ADGRG6: variants seen among roughly 807,000 people sequenced by gnomAD.
ADGRG6 encodes adhesion G protein-coupled receptor G6.
ADGRG6 carries 84 observed loss-of-function variants against 142.4 expected under a neutral mutation model. That is an observed-to-expected ratio of 0.59 (90% CI 0.49 to 0.71). The LOEUF is 0.71. ADGRG6 is among the 30% of genes least tolerant of loss of function. ADGRG6 has a pLI of 0.00. For missense variants in ADGRG6, 1,367 were observed against 1,466.6 expected, an observed-to-expected ratio of 0.93 and a Z score of 1.11; for synonymous variants, 521 against 520.5, an observed-to-expected ratio of 1.00 and a Z score of -0.01.
chr6:142,380,278 T>C (rs1781708257), intron 4 of ADGRG6, among the ~76,000 whole-genome samples: 1 of 152,126 alleles, frequency 6.6e-6, no homozygotes, highest in Non-Finnish European at 1.5e-5. Flanking sequence ...TCCAACCCTC[T>C]CTTCCATCAT....
intron 2 of ADGRG6, among the ~76,000 whole-genome samples, chr6:142,356,431 A>G (rs1283003408): frequency 1.3e-5 from 2 of 152,094 alleles, no homozygotes; most frequent in East Asian, 1.9e-4. Context: ...CTTGCATGCA[A>G]CCTGTATTGG....
At chr6:142,318,831 A>C (rs547273667) in intron 2 of ADGRG6, among the ~76,000 whole-genome samples, 16 of 151,988 alleles carry the variant, frequency 1.1e-4, no homozygotes, top group Admixed American at 2.0e-4. Flanking sequence ...GAAGGTAGGG[A>C]ATGAGGCTAG....
intron 5 of ADGRG6, among the ~76,000 whole-genome samples, chr6:142,382,526 T>C (rs1781819718): frequency 6.6e-6 from 1 of 152,222 alleles, no homozygotes; most frequent in Non-Finnish European, 1.5e-5. Context: ...ACTGTGTTAA[T>C]TATTACGATG....
At chr6:142,440,808 G>T in intron 24 of ADGRG6, 1 of 646,130 alleles carries the variant, frequency 1.5e-6, no homozygotes, top group East Asian at 3.1e-5. Flanking sequence ...AGCATCCTGG[G>T]ATCACTCAAG....
intron 2 of ADGRG6, among the ~76,000 whole-genome samples, chr6:142,317,820 TA>T (rs1404291946): frequency 2.5e-4 from 21 of 83,930 alleles, no homozygotes; most frequent in African/African-American, 8.9e-4. Flanking sequence ...TTATATATAT[TA>T]ATTTATATTA....
intron 2 of ADGRG6, among the ~76,000 whole-genome samples, chr6:142,360,183 A>G (rs557611718): frequency 1.3e-5 from 2 of 152,330 alleles, no homozygotes; most frequent in South Asian, 4.1e-4. Context: ...CATGCTGCTA[A>G]CAATTATAAG....
intron 2 of ADGRG6, among the ~76,000 whole-genome samples, chr6:142,311,263 T>G (rs1485167652): frequency 6.6e-6 from 1 of 151,948 alleles, no homozygotes. Context: ...TATTTTTTGT[T>G]ATTTCCTGCA....
Position 142,370,449 on chromosome 6 carries a change from AAG to A in ADGRG6, c.727_728del (p.Glu243ArgfsTer8). On this transcript the variant is annotated frameshift_variant, in exon 4 of 25. Transcript: ENST00000367609. LOFTEE classifies it high-confidence loss of function. Reference sequence around the variant, plus strand: ...AATAATGCATTACCTGTCAAAGAAAAAGAAGACATTTTTGCAGAAAGCTTTGA... The same window carrying A: ...AATAATGCATTACCTGTCAAAGAAAAAAGACATTTTTGCAGAAAGCTTTGA... 6.2e-7 allele frequency: 1 copy of A among 1,613,604 alleles called. No individual in the cohort carries two copies.
chr6:142,340,735 A>G (rs962141549), intron 2 of ADGRG6, among the ~76,000 whole-genome samples: 2 of 152,006 alleles, frequency 1.3e-5, no homozygotes, highest in Non-Finnish European at 2.9e-5. Context: ...GAAACCTTTA[A>G]CTCTTCATCA....
intron 2 of ADGRG6, among the ~76,000 whole-genome samples, chr6:142,313,842 G>T (rs534832828): frequency 4.0e-4 from 61 of 152,032 alleles, no homozygotes; most frequent in Non-Finnish European, 2.6e-4. Context: ...TTGGTCAGAG[G>T]ACTTTCAAAT....
At chr6:142,392,897 T>A (rs867487350) in intron 7 of ADGRG6, 51 bp from the exon 8 acceptor site, 19 of 1,206,528 alleles carry the variant, frequency 1.6e-5, no homozygotes, top group African/African-American at 4.5e-5. Context: ...TTGAATTAGA[T>A]ATTTTTTAAA....
intron 2 of ADGRG6, among the ~76,000 whole-genome samples, chr6:142,342,004 G>T (rs1357562027): frequency 6.6e-5 from 10 of 151,970 alleles, no homozygotes; most frequent in Admixed American, 5.3e-4. Context: ...GCCACTTAGG[G>T]TTAGCCTAGA....
chr6:142,323,597 C>T (rs914526579), intron 2 of ADGRG6, among the ~76,000 whole-genome samples: 1 of 152,004 alleles, frequency 6.6e-6, no homozygotes, highest in Non-Finnish European at 1.5e-5. Flanking sequence ...AGAAATGCAT[C>T]GTTAGGTGAT....
At chr6:142,362,694 A>G (rs1274296348) in intron 2 of ADGRG6, among the ~76,000 whole-genome samples, 1 of 152,214 alleles carries the variant, frequency 6.6e-6, no homozygotes, top group Non-Finnish European at 1.5e-5. Flanking sequence ...CCATTTCTGC[A>G]TATTATCAAT....
chr6:142,393,593 C>T (rs978494255), intron 8 of ADGRG6, among the ~76,000 whole-genome samples: 2 of 152,112 alleles, frequency 1.3e-5, no homozygotes, highest in African/African-American at 4.8e-5. Flanking sequence ...GATTTAATAA[C>T]ACAGAACAGG....
At chr6:142,343,421 A>G (rs1779753446) in intron 2 of ADGRG6, among the ~76,000 whole-genome samples, 2 of 151,792 alleles carry the variant, frequency 1.3e-5, no homozygotes, top group South Asian at 2.1e-4. Flanking sequence ...GGATATCAAT[A>G]TCTTTCACTA....
intron 2 of ADGRG6, among the ~76,000 whole-genome samples, chr6:142,318,360 AATATTTATATATATTTAT>A (rs1369386296): frequency 2.5e-5 from 2 of 80,644 alleles, no homozygotes; most frequent in African/African-American, 1.6e-4. Context: ...TATATTATAT[AATATTTATATATATTTAT>A]ATATTTATAT....
intron 2 of ADGRG6, among the ~76,000 whole-genome samples, chr6:142,344,681 G>T (rs1047016358): frequency 6.6e-5 from 10 of 151,926 alleles, no homozygotes; most frequent in African/African-American, 2.4e-4. Context: ...AAAATAGCTG[G>T]CTTCCTTAAA....
chr6:142,376,806 G>C (rs1026116623), intron 4 of ADGRG6, among the ~76,000 whole-genome samples: 1 of 152,026 alleles, frequency 6.6e-6, no homozygotes, highest in Non-Finnish European at 1.5e-5. Flanking sequence ...ATTCATCTTA[G>C]TAGCAACTGC....
Sources: gnomAD v4.1 joint callset for allele counts (sites outside exome capture counted in the v4.1 genomes callset) on GRCh38, gnomAD v4.1.1 for gene constraint, MANE v1.5 for transcripts, NCBI Gene and HGNC (gene_info 2026-07-23, HGNC 2026-07-21) for gene names.